Variants in ZNF491 observed in about 807,000 individuals in gnomAD.
The protein encoded by ZNF491 is zinc finger protein 491.
A neutral mutation model predicts 34.7 loss-of-function variants in ZNF491; 22 were observed. The ratio of observed to expected loss-of-function variants is 0.63; its 90% CI spans 0.45 to 0.90. The LOEUF is 0.90. Ranked by LOEUF, ZNF491 falls within the 40% of genes least tolerant of loss-of-function variation. ZNF491 has a pLI of 0.00. For missense variants in ZNF491, 559 were observed against 531.7 expected, an observed-to-expected ratio of 1.05 and a Z score of -0.51; for synonymous variants, 148 against 174.3, an observed-to-expected ratio of 0.85 and a Z score of 1.19.
chr19:11,803,173 G>A (rs1975574204), intron 1 of ZNF491, among the ~76,000 whole-genome samples: 1 of 151,912 alleles, frequency 6.6e-6, no homozygotes, highest in Admixed American at 6.6e-5. Context: ...AGTAGAGATG[G>A]GGTTTTGCCA....
At position 11,807,311 on chromosome 19, in the gene ZNF491, C is replaced by A; in HGVS notation, c.*44C>A. On this transcript the variant is annotated 3_prime_UTR_variant, in exon 3 of 3. Transcript: ENST00000323169. ...ATTTTTATTTTAATAGAGACAGGGTCTCACTATCTTGTCCAGGTTGGTCTT... is the reference window on the plus strand; with the variant it reads ...ATTTTTATTTTAATAGAGACAGGGTATCACTATCTTGTCCAGGTTGGTCTT... 1 of 1,419,376 alleles carries A rather than the reference C, an allele frequency of 7.0e-7. No individual in the cohort carries two copies. The highest frequency in any genetic ancestry group is 9.4e-7 in the Non-Finnish European group (1 of 1,067,396). The allele number at this position is 1,419,376 out of a possible 1,614,324, so 87.9% of individuals were successfully genotyped here.
Position 11,807,180 on chromosome 19 carries a change from A to T in ZNF491, c.1227A>T (p.Lys409Asn), listed in dbSNP as rs778153975. 5.6e-6 allele frequency: 9 copies of T among 1,601,272 alleles called. No individual in the cohort carries two copies. The highest frequency in any genetic ancestry group is 7.7e-6 in the Non-Finnish European group (9 of 1,175,150). ...ATGAAAGAATTCACACTGGAGAGAAACCTTACCAATGTAAGGAATGTGGGA... is the reference window on the plus strand; with the variant it reads ...ATGAAAGAATTCACACTGGAGAGAATCCTTACCAATGTAAGGAATGTGGGA... ...RIHERIHTGE[K>N]PYQCKECGKA... Residue 409 changes from lysine to asparagine, a missense_variant, in exon 3 of 3, where the codon AAA (lysine) becomes AAT (asparagine). Physicochemically the swap from Lys to Asn is moderately conservative, Grantham distance 94. Coordinates refer to ENST00000323169, the MANE Select transcript of ZNF491 (RefSeq NM_152356.4).
Position 11,806,921 on chromosome 19 carries a change from G to A in ZNF491, c.968G>A (p.Gly323Glu), listed in dbSNP as rs776747059. 8 of 1,613,118 alleles carry A rather than the reference G, an allele frequency of 5.0e-6. No individual in the cohort carries two copies. The highest frequency in any genetic ancestry group is 5.9e-6 in the Non-Finnish European group (7 of 1,179,690). ...CAATATCATGAAAGGACTCACACTG[G>A]AGAGAAACCCGATGGGTGTAAGCAA... ...SFQYHERTHT[G>E]EKPDGCKQCG... The change falls in exon 3 of 3, where the codon GGA becomes GAA. Residue 323 changes from glycine to glutamate, a missense_variant. Coordinates refer to ENST00000323169, the MANE Select transcript of ZNF491 (RefSeq NM_152356.4).
At chr19:11,800,091 T>C (rs1975542910) in intron 1 of ZNF491, among the ~76,000 whole-genome samples, 1 of 152,098 alleles carries the variant, frequency 6.6e-6, no homozygotes, top group African/African-American at 2.4e-5. Context: ...GTTGGTTTAG[T>C]GTCAAGAATT....
Position 11,806,460 on chromosome 19 carries a change from T to C in ZNF491, c.507T>C (p.Ser169=), listed in dbSNP as rs371334298. 8 of 1,613,198 alleles carry C rather than the reference T, an allele frequency of 5.0e-6. 1 individual carries two copies. Among genetic ancestry groups the C allele is most frequent in the South Asian group, 1.1e-5 (1 of 90,962 alleles). ...GTAAACAATGTGGTAAAGCCTTCAG[T>C]TGGCACAGTTCTGTTCGAATCCATG... is the stretch of plus-strand genomic sequence containing the variant. The part of the protein sequence containing the change: ...YECKQCGKAF[S]WHSSVRIHER... Residue 169 remains serine, a synonymous_variant, in exon 3 of 3, where the codon AGT becomes AGC. Transcript: ENST00000323169.
chr19:11,803,440 TTAA>T (rs1975576581), intron 1 of ZNF491, among the ~76,000 whole-genome samples: 1 of 152,226 alleles, frequency 6.6e-6, no homozygotes, highest in Non-Finnish European at 1.5e-5. Flanking sequence ...TATATTACTA[TTAA>T]TGAAATTCCA....
intron 2 of ZNF491, 50 bp from the exon 3 acceptor site, chr19:11,805,897 T>C (rs574392758): frequency 1.4e-6 from 2 of 1,399,366 alleles, no homozygotes; most frequent in East Asian, 4.6e-5. Flanking sequence ...TAACAAATAT[T>C]AAATCGCTTA....
chr19:11,805,495 TGA>T (rs1329007188), intron 2 of ZNF491, among the ~76,000 whole-genome samples: 4 of 151,828 alleles, frequency 2.6e-5, no homozygotes, highest in African/African-American at 9.7e-5. Context: ...GTAGAATGTG[TGA>T]TCCATTCATG....
In ZNF491 at chr19:11,806,914, C is replaced by T; in HGVS notation, c.961C>T (p.His321Tyr). 3 of 1,612,914 alleles carry T rather than the reference C, an allele frequency of 1.9e-6. No homozygotes were observed. Among genetic ancestry groups the T allele is most frequent in the Middle Eastern group, 1.7e-4 (1 of 6,056 alleles). ...TTCGTTTCAATATCATGAAAGGACT[C>T]ACACTGGAGAGAAACCCGATGGGTG... Reference protein sequence around the residue: ...STSFQYHERTHTGEKPDGCKQ... With the variant: ...STSFQYHERTYTGEKPDGCKQ... The change falls in exon 3 of 3, where the codon CAC becomes TAC. Residue 321 changes from histidine to tyrosine, a missense_variant. By Grantham distance (83) the His-to-Tyr change is moderately conservative. Coordinates refer to ENST00000323169, the MANE Select transcript of ZNF491 (RefSeq NM_152356.4).
chr19:11,804,673 G>T lies in ZNF491; in HGVS notation c.-8+6G>T. On this transcript the variant is annotated splice_donor_region_variant and intron_variant, in intron 2 of 2. Transcript: ENST00000323169. ...CACGAACCTCATCTGTATAGGTAGG[G>T]GTGACAATATTACCTCCCTCAGTGA... The T allele has an allele frequency of 7.8e-7, 1 of 1,281,914 alleles. No homozygotes were observed. The highest frequency in any genetic ancestry group is 1.0e-6 in the Non-Finnish European group (1 of 980,332). 79.4% of individuals were successfully genotyped at this position (1,281,914 alleles called of 1,614,324 possible).
In ZNF491 at chr19:11,806,431, G is replaced by T. The variant is rs1975613648; in HGVS notation, c.478G>T (p.Glu160Ter). The T allele has an allele frequency of 1.1e-5, 18 of 1,612,800 alleles. No individual in the cohort carries two copies. Among genetic ancestry groups the T allele is most frequent in the Non-Finnish European group, 1.5e-5 (18 of 1,179,544 alleles). Residue 160 changes from glutamate (E) to a stop codon, truncating the protein, a stop_gained, in exon 3 of 3, where the codon GAA becomes TAA. Transcript: ENST00000323169. LOFTEE classifies it high-confidence loss of function. ...ERTHTGEKRY[E>*]CKQCGKAFSW... is the part of the protein sequence containing the mutation. The stretch of plus-strand genomic sequence containing the variant: ...AACTCACACTGGAGAGAAACGATAT[G>T]AATGTAAACAATGTGGTAAAGCCTT...
At chr19:11,801,909 A>G (rs1180861573) in intron 1 of ZNF491, among the ~76,000 whole-genome samples, 1 of 152,118 alleles carries the variant, frequency 6.6e-6, no homozygotes, top group Non-Finnish European at 1.5e-5. Flanking sequence ...ATACATTTTC[A>G]TTATCCATTC....
chr19:11,799,368 T>G (rs1975533456), intron 1 of ZNF491: 1 of 152,104 alleles, frequency 6.6e-6, no homozygotes, highest in South Asian at 2.1e-4. Context: ...TGTTTCAAAT[T>G]TAAAAGTTTA....
intron 1 of ZNF491, among the ~76,000 whole-genome samples, chr19:11,801,164 C>T (rs1044802151): frequency 6.6e-6 from 1 of 151,812 alleles, no homozygotes; most frequent in South Asian, 2.1e-4. Context: ...ATAGAGAGAC[C>T]CCGTCTCTAT....
intron 2 of ZNF491, 70 bp downstream of exon 2, chr19:11,804,737 A>G: frequency 1.2e-6 from 1 of 816,692 alleles, no homozygotes. Flanking sequence ...AGTGCTATTC[A>G]GGGATTTGGA....
Position 11,806,648 on chromosome 19 carries a change from G to A in ZNF491, c.695G>A (p.Arg232Lys). The A allele has an allele frequency of 6.2e-7, 1 of 1,613,082 alleles. No homozygotes were observed. Among genetic ancestry groups the A allele is most frequent in the Non-Finnish European group, 8.5e-7 (1 of 1,179,648 alleles). Residue 232 changes from arginine to lysine, a missense_variant, in exon 3 of 3, where the codon AGG becomes AAG. Arg to Lys is a conservative substitution (Grantham distance 26, BLOSUM62 2). Coordinates refer to ENST00000323169, the MANE Select transcript of ZNF491 (RefSeq NM_152356.4). Reference sequence around the variant, plus strand: ...TTCAATTGTCCCAGTTCTTTTCACAGGCATGAAAGGACTCACACAGGAGAA... The same window carrying A: ...TTCAATTGTCCCAGTTCTTTTCACAAGCATGAAAGGACTCACACAGGAGAA... ...KAFNCPSSFH[R>K]HERTHTGEKP...
intron 2 of ZNF491, 61 bp downstream of exon 2, chr19:11,804,728 G>C (rs1975591000): frequency 1.2e-5 from 11 of 894,536 alleles, no homozygotes; most frequent in Non-Finnish European, 1.6e-5. Flanking sequence ...TAGTTCATCA[G>C]TGCTATTCAG....
intron 1 of ZNF491, among the ~76,000 whole-genome samples, chr19:11,800,160 A>G: frequency 6.6e-6 from 1 of 151,746 alleles, no homozygotes; most frequent in Non-Finnish European, 1.5e-5. Flanking sequence ...GGTTTGGGGG[A>G]ATTTTCTCTA....
chr19:11,805,397 A>G (rs1975597800), intron 2 of ZNF491, among the ~76,000 whole-genome samples: 2 of 150,188 alleles, frequency 1.3e-5, no homozygotes, highest in African/African-American at 4.9e-5. Context: ...CAACAAGAGC[A>G]AAACTCCGTC....
Sources: allele counts gnomAD v4.1 joint callset (sites outside exome capture counted in the v4.1 genomes callset), GRCh38; gene constraint gnomAD v4.1.1; transcripts MANE v1.5; gene names NCBI Gene and HGNC (gene_info 2026-07-23, HGNC 2026-07-21).